Variants in PTPN4 observed in about 807,000 individuals in gnomAD.
PTPN4 encodes protein tyrosine phosphatase non-receptor type 4.
Under a neutral mutation model 135.5 loss-of-function variants are expected in PTPN4, and 49 were observed. That is an observed-to-expected ratio of 0.36 (90% CI 0.29 to 0.46). The LOEUF (loss-of-function observed/expected upper bound fraction) is 0.46. Among genes scored for constraint, PTPN4 ranks in the 20% least tolerant of loss-of-function variants. The pLI, the probability that PTPN4 is intolerant of heterozygous loss-of-function variation, is 1.00. For missense variants in PTPN4, 860 were observed against 1,101.0 expected (o/e 0.78, Z 3.10); for synonymous variants, 333 against 369.9 (o/e 0.90, Z 1.14).
rs567165409 is a variant in PTPN4 at position 119,912,560 on chromosome 2, T to A, written c.765-2619T>A. 3.9e-5 allele frequency among the ~76,000 whole-genome samples: 6 copies of A among 152,312 alleles called. No homozygotes were observed. The East Asian group carries it at 5.8e-4, about 15-fold the overall frequency. ...AGTAAAACAGTATAAAATAGTTATA[T>A]GATTACATAATTGGCATTCCAGTAG... On this transcript the variant is annotated intron_variant, in intron 10 of 26. Transcript: ENST00000263708.
At chr2:119,775,110 A>G (rs1414560415) in intron 1 of PTPN4, among the ~76,000 whole-genome samples, 10 of 78,622 alleles carry the variant, frequency 1.3e-4, no homozygotes, top group Middle Eastern at 5.3e-3. Context: ...AAAAAAAAAA[A>G]AAAAAAAAAA....
At chr2:119,832,636 CTA>C (rs1240136574) in intron 2 of PTPN4, among the ~76,000 whole-genome samples, 1 of 152,004 alleles carries the variant, frequency 6.6e-6, no homozygotes, top group Non-Finnish European at 1.5e-5. Flanking sequence ...GATTTCCCCC[CTA>C]TTTTTAAGGA....
chr2:119,823,396 G>T (rs768259102), intron 2 of PTPN4, among the ~76,000 whole-genome samples: 1 of 151,888 alleles, frequency 6.6e-6, no homozygotes, highest in Non-Finnish European at 1.5e-5. Context: ...CACCACGCCC[G>T]GCTAATTTTT....
At chr2:119,963,810 G>A (rs936679684) in intron 24 of PTPN4, among the ~76,000 whole-genome samples, 71 of 152,224 alleles carry the variant, frequency 4.7e-4, no homozygotes, top group African/African-American at 1.7e-3. Flanking sequence ...TTCTCAAATA[G>A]ATAATGAAAG....
chr2:119,854,435 C>T lies in PTPN4; in HGVS notation c.139-8101C>T, dbSNP rs538076838. Reference sequence around the variant, plus strand: ...TCTGCGTAAAATAATTTCTTAATAACTCCCGTAATATTCCCCCCTGAGGAG... The same window carrying T: ...TCTGCGTAAAATAATTTCTTAATAATTCCCGTAATATTCCCCCCTGAGGAG... On this transcript the variant is annotated intron_variant, in intron 2 of 26. Transcript: ENST00000263708. Among the ~76,000 whole-genome samples the T allele has an allele frequency of 1.2e-4, 19 of 152,298 alleles. No homozygotes were observed. In the South Asian group the frequency reaches 3.9e-3, roughly 32 times the overall value.
chr2:119,864,001 G>A (rs1677795997), intron 3 of PTPN4, among the ~76,000 whole-genome samples: 1 of 152,134 alleles, frequency 6.6e-6, no homozygotes, highest in South Asian at 2.1e-4. Flanking sequence ...CAAGTGCAAA[G>A]GTTGAGGACC....
chr2:119,974,410 T>C (rs996272072), intron 26 of PTPN4, among the ~76,000 whole-genome samples: 1 of 152,152 alleles, frequency 6.6e-6, no homozygotes, highest in Non-Finnish European at 1.5e-5. Flanking sequence ...GGTTTCTCCA[T>C]GTTGGTCAGG....
chr2:119,899,855 T>A (rs1205114652), intron 9 of PTPN4, among the ~76,000 whole-genome samples: 1 of 152,156 alleles, frequency 6.6e-6, no homozygotes, highest in Admixed American at 6.5e-5. Flanking sequence ...TTAATAAGAT[T>A]TTATTTCATT....
At chr2:119,810,260 A>T (rs1287866321) in intron 2 of PTPN4, among the ~76,000 whole-genome samples, 1 of 152,198 alleles carries the variant, frequency 6.6e-6, no homozygotes, top group African/African-American at 2.4e-5. Flanking sequence ...GTTTTCATAA[A>T]TGTGCTTGAG....
chr2:119,960,362 A>G (rs1164000945), intron 22 of PTPN4, among the ~76,000 whole-genome samples: 2 of 152,230 alleles, frequency 1.3e-5, no homozygotes, highest in South Asian at 4.1e-4. Context: ...ATTCAAGCTA[A>G]AACCAATGGC....
rs190364404 is a variant in PTPN4 at position 119,979,599 on chromosome 2, A to C, written c.*2529A>C. On this transcript the variant is annotated 3_prime_UTR_variant, in exon 27 of 27. Coordinates refer to ENST00000263708, the MANE Select transcript of PTPN4 (RefSeq NM_002830.4). ...TAATAGATAAGACTTTATCCATTAC[A>C]TCTAAGAACTTTTTAACCTGTATAT... The C allele has an allele frequency of 5.9e-5, 9 of 152,280 alleles. No homozygotes were observed. Among genetic ancestry groups the C allele is most frequent in the Admixed American group, 2.0e-4 (3 of 15,294 alleles). The allele number at this position is 152,280 out of a possible 1,614,324, so 9.4% of individuals were successfully genotyped here. A position where few individuals can be genotyped will look rare whatever the true frequency, so the allele number is the denominator to read the frequency against.
intron 24 of PTPN4, among the ~76,000 whole-genome samples, chr2:119,964,968 C>T (rs577385520): frequency 4.1e-4 from 63 of 152,122 alleles, no homozygotes; most frequent in African/African-American, 1.4e-3. Context: ...CGCAGGGTAC[C>T]GAGCAAGGAG....
chr2:119,770,146 G>C (rs886968927), intron 1 of PTPN4, among the ~76,000 whole-genome samples: 4 of 152,080 alleles, frequency 2.6e-5, no homozygotes, highest in African/African-American at 9.7e-5. Flanking sequence ...CTTGGCTGTG[G>C]GGATACAGAA....
At chr2:119,955,898 C>T (rs1442336243) in intron 20 of PTPN4, among the ~76,000 whole-genome samples, 1 of 151,688 alleles carries the variant, frequency 6.6e-6, no homozygotes, top group Non-Finnish European at 1.5e-5. Flanking sequence ...GATCGCGCCA[C>T]TGCACTCCAG....
intron 3 of PTPN4, among the ~76,000 whole-genome samples, chr2:119,864,785 T>G (rs1260299145): frequency 6.6e-6 from 1 of 152,154 alleles, no homozygotes; most frequent in Non-Finnish European, 1.5e-5. Flanking sequence ...GGAGCTAGAT[T>G]GATCTTTTTG....
At chr2:119,975,254 A>G (rs1343300928) in intron 26 of PTPN4, among the ~76,000 whole-genome samples, 1 of 152,170 alleles carries the variant, frequency 6.6e-6, no homozygotes, top group Admixed American at 6.6e-5. Flanking sequence ...TTAGGACTAC[A>G]GGCACACACC....
chr2:119,962,715 T>C lies in PTPN4; in HGVS notation c.2380T>C (p.Phe794Leu). 6.3e-7 allele frequency: 1 copy of C among 1,586,810 alleles called. No homozygotes were observed. Among genetic ancestry groups the C allele is most frequent in the Non-Finnish European group, 8.6e-7 (1 of 1,161,488 alleles). The change falls in exon 24 of 27, where the codon TTC (phenylalanine) becomes CTC (leucine). Residue 794 changes from phenylalanine to leucine, a missense_variant. Physicochemically the swap from Phe to Leu is conservative, Grantham distance 22. Around this residue, in one of 2 missense-constraint regions of PTPN4, gnomAD observed 176 missense variants for 294.1 expected, o/e 0.60. Coordinates refer to ENST00000263708, the MANE Select transcript of PTPN4 (RefSeq NM_002830.4). ...HSEEGNTAYI[F>L]RKMTLFNQEK... ...TGAAGAAGGAAACACTGCCTATATC[T>C]TCAGGAAGATGACCCTATTTAACCA...
chr2:119,842,083 C>T (rs1030751228), intron 2 of PTPN4, among the ~76,000 whole-genome samples: 6 of 152,306 alleles, frequency 3.9e-5, no homozygotes, highest in East Asian at 1.9e-4. Context: ...ATTTATTCCT[C>T]ACGTAGATTT....
intron 2 of PTPN4, among the ~76,000 whole-genome samples, chr2:119,860,460 C>T (rs1481215794): frequency 6.6e-6 from 1 of 152,178 alleles, no homozygotes; most frequent in Non-Finnish European, 1.5e-5. Context: ...ATAGCCAACA[C>T]TTGGAATGCA....
Sources: gnomAD v4.1 joint callset for allele counts (sites outside exome capture counted in the v4.1 genomes callset) on GRCh38, gnomAD v4.1.1 for gene constraint, gnomAD v4.1.1 regional missense constraint, MANE v1.5 for transcripts, NCBI Gene and HGNC (gene_info 2026-07-23, HGNC 2026-07-21) for gene names.